The following TMEM11 variants were observed in gnomAD, a reference collection of about 807,000 sequenced individuals.
The protein encoded by TMEM11 is transmembrane protein 11, mitochondrial.
Under a neutral mutation model 17.0 loss-of-function variants are expected in TMEM11, and 1 was observed. The observed-to-expected ratio is 0.06, with a 90% CI of 0.02 to 0.28. The LOEUF (loss-of-function observed/expected upper bound fraction) is 0.28, where lower values mean the gene tolerates loss of function less well. Among genes scored for constraint, TMEM11 ranks in the 10% least tolerant of loss-of-function variants. The probability of loss-of-function intolerance (pLI) is 1.00; values close to 1 mark genes in which losing one functional copy is unlikely to be tolerated. For missense variants in TMEM11, 172 were observed against 252.9 expected (o/e 0.68, Z 2.17); for synonymous variants, 122 against 118.1 (o/e 1.03, Z -0.21).
chr17:21,200,107 A>T (rs2144287982), intron 1 of TMEM11, among the ~76,000 whole-genome samples: 1 of 152,290 alleles, frequency 6.6e-6, no homozygotes, highest in South Asian at 2.1e-4. Context: ...CACCACACGG[A>T]ACGCTCAGCT....
chr17:21,205,159 G>A (rs970026721), intron 1 of TMEM11, among the ~76,000 whole-genome samples: 1 of 152,100 alleles, frequency 6.6e-6, no homozygotes, highest in African/African-American at 2.4e-5. Context: ...GCCCCTCTGG[G>A]ATGTGGGCAG....
At position 21,198,510 on chromosome 17, in the gene TMEM11, G is replaced by GCAAGGGTCAA; in HGVS notation, c.383_392dup (p.Cys132Ter). On this transcript the variant is annotated stop_gained and frameshift_variant, in exon 2 of 2. Coordinates refer to ENST00000317635, the MANE Select transcript of TMEM11 (RefSeq NM_003876.3). LOFTEE classifies it high-confidence loss of function. The surrounding 1 kb of genome is among the most constrained non-coding windows in gnomAD (Gnocchi z 6.5). ...CGTCGTACTCCACTTGGTACTTGCA[G>GCAAGGGTCAA]CAAGGGTCAAACTGCCAGGAGATCC... The GCAAGGGTCAA allele has an allele frequency of 6.2e-7, 1 of 1,614,252 alleles. No individual in the cohort carries two copies. Among genetic ancestry groups the GCAAGGGTCAA allele is most frequent in the Non-Finnish European group, 8.5e-7 (1 of 1,180,056 alleles).
chr17:21,203,725 T>G (rs1974909214), intron 1 of TMEM11, among the ~76,000 whole-genome samples: 1 of 91,700 alleles, frequency 1.1e-5, no homozygotes, highest in African/African-American at 3.3e-5. Context: ...AAAAAGAAAC[T>G]GCCAAGTACT....
chr17:21,210,812 T>C, intron 1 of TMEM11: 1 of 1,019,768 alleles, frequency 9.8e-7, no homozygotes. Flanking sequence ...AACCTGAACT[T>C]TTAGCCCCGT....
intron 1 of TMEM11, chr17:21,213,110 T>C (rs886704749): frequency 9.9e-5 from 15 of 152,230 alleles, no homozygotes; most frequent in Non-Finnish European, 2.1e-4. Context: ...TGCAGAGTAG[T>C]TGAGAGGAAG....
chr17:21,207,267 C>T (rs186436259), intron 1 of TMEM11, among the ~76,000 whole-genome samples: 29 of 152,278 alleles, frequency 1.9e-4, no homozygotes, highest in Non-Finnish European at 3.1e-4. Context: ...TGGTGGCTCA[C>T]GCCTGTAATC....
intron 1 of TMEM11, among the ~76,000 whole-genome samples, chr17:21,210,002 C>G (rs536923406): frequency 6.6e-6 from 1 of 152,158 alleles, no homozygotes; most frequent in Non-Finnish European, 1.5e-5. Context: ...AGGAGGTTCC[C>G]GGGTGTGCTC....
rs1974850214 is a variant in TMEM11 at position 21,198,931 on chromosome 17, G to A, written c.63-91C>T. ...TTAACTGTGTTTCAGCGCTGGGGGA[G>A]GTCTGAGCCTGCACTGCGGAGAGCA... On this transcript the variant is annotated intron_variant, in intron 1 of 1. Transcript: ENST00000317635. The surrounding 1 kb of genome is among the most constrained non-coding windows in gnomAD (Gnocchi z 6.5). 4.9e-6 allele frequency: 7 copies of A among 1,436,494 alleles called. No homozygotes were observed. The East Asian group carries it at 1.4e-4, about 28-fold the overall frequency. The allele number at this position is 1,436,494 out of a possible 1,614,324, so 89.0% of individuals were successfully genotyped here.
At chr17:21,200,121 C>T (rs925741716) in intron 1 of TMEM11, among the ~76,000 whole-genome samples, 1 of 152,258 alleles carries the variant, frequency 6.6e-6, no homozygotes, top group African/African-American at 2.4e-5. Flanking sequence ...CTCAGCTCTG[C>T]AGCAAGGCCA....
Position 21,198,710 on chromosome 17 carries a change from T to G in TMEM11, c.193A>C (p.Thr65Pro). The change falls in exon 2 of 2, where the codon ACT becomes CCT. Residue 65 changes from threonine to proline, a missense_variant. Physicochemically the swap from Thr to Pro is conservative, Grantham distance 38 (BLOSUM62 -1). Transcript: ENST00000317635. This position sits in a 1 kb window ranked among gnomAD's most constrained non-coding sequence, Gnocchi z 6.5. Reference sequence around the variant, plus strand: ...CGGGCTGTCTCGTCGCCAATGCGAGTGGGCTCAATCACAATGTACTTGTAC... The same window carrying G: ...CGGGCTGTCTCGTCGCCAATGCGAGGGGGCTCAATCACAATGTACTTGTAC... ...AQYKYIVIEP[T>P]RIGDETARWI... 2 of 1,614,086 alleles carry G rather than the reference T, an allele frequency of 1.2e-6. No individual in the cohort carries two copies. Among genetic ancestry groups the G allele is most frequent in the Non-Finnish European group, 1.7e-6 (2 of 1,180,044 alleles).
chr17:21,211,322 A>G (rs1975000955), intron 1 of TMEM11: 1 of 917,862 alleles, frequency 1.1e-6, no homozygotes, highest in Non-Finnish European at 1.5e-6. Context: ...AGCACTGTCC[A>G]TATCATAACT....
intron 1 of TMEM11, among the ~76,000 whole-genome samples, chr17:21,200,388 T>G (rs1347953273): frequency 6.6e-6 from 1 of 152,248 alleles, no homozygotes; most frequent in Admixed American, 6.5e-5. Flanking sequence ...TCTGCTCATC[T>G]GCAAGAAGTC....
chr17:21,206,227 G>C (rs576472262), intron 1 of TMEM11, among the ~76,000 whole-genome samples: 1 of 152,024 alleles, frequency 6.6e-6, no homozygotes, highest in Non-Finnish European at 1.5e-5. Context: ...GTTATTTTCC[G>C]TTTTCTTTTC....
chr17:21,206,055 G>T lies in TMEM11; in HGVS notation c.63-7215C>A, dbSNP rs556553169. Among the ~76,000 whole-genome samples the T allele has an allele frequency of 4.0e-5, 6 of 151,752 alleles. No individual in the cohort carries two copies. In the East Asian group the frequency reaches 5.8e-4, roughly 15 times the overall value. ...TGAGTCCCTGCTTTTTTTGGGGGGG[G>T]GGTATATATACCCAGAAGTGGAACT... On this transcript the variant is annotated intron_variant, in intron 1 of 1. Coordinates refer to ENST00000317635, the MANE Select transcript of TMEM11 (RefSeq NM_003876.3).
At chr17:21,199,710 T>TC (rs969870656) in intron 1 of TMEM11, among the ~76,000 whole-genome samples, 60 of 152,314 alleles carry the variant, frequency 3.9e-4, no homozygotes, top group African/African-American at 1.4e-3. Flanking sequence ...CCTTTGGCTC[T>TC]CCTGGAGGCC....
chr17:21,206,062 T>G (rs1567636527), intron 1 of TMEM11, among the ~76,000 whole-genome samples: 1 of 151,490 alleles, frequency 6.6e-6, no homozygotes, highest in Non-Finnish European at 1.5e-5. Flanking sequence ...GGGGGGTATA[T>G]ATACCCAGAA....
At chr17:21,201,504 C>T (rs1109513) in intron 1 of TMEM11, among the ~76,000 whole-genome samples, 10 of 151,636 alleles carry the variant, frequency 6.6e-5, no homozygotes, top group Admixed American at 3.9e-4. Context: ...TAAGACTGCA[C>T]GAGCAGCTTA....
At chr17:21,201,922 C>T (rs1008064107) in intron 1 of TMEM11, among the ~76,000 whole-genome samples, 3 of 152,338 alleles carry the variant, frequency 2.0e-5, no homozygotes, top group Admixed American at 1.3e-4. Context: ...CATGAGCTAC[C>T]GCATCCAGCC....
chr17:21,213,892 T>C (rs752587847), intron 1 of TMEM11, 199 bp downstream of exon 1: 52 of 556,472 alleles, frequency 9.3e-5, no homozygotes, highest in Non-Finnish European at 1.3e-4. Context: ...CCCCTTCCCC[T>C]AAGCTCTCCG....
Sources: gnomAD v4.1 joint callset for allele counts (sites outside exome capture counted in the v4.1 genomes callset) on GRCh38, gnomAD v4.1.1 for gene constraint, Gnocchi (gnomAD v3.1) non-coding constraint, MANE v1.5 for transcripts, NCBI Gene and HGNC (gene_info 2026-07-23, HGNC 2026-07-21) for gene names.